Variants in IQSEC3 observed in about 807,000 individuals in gnomAD.
The protein encoded by IQSEC3 is IQ motif and SEC7 domain-containing protein 3.
IQSEC3 carries 50 observed loss-of-function variants against 105.4 expected under a neutral mutation model. The ratio of observed to expected loss-of-function variants is 0.47; its 90% CI spans 0.38 to 0.60. The LOEUF (loss-of-function observed/expected upper bound fraction) is 0.60, where lower values mean the gene tolerates loss of function less well. IQSEC3 is among the 20% of genes least tolerant of loss of function. The pLI is 0.00. For synonymous variants in IQSEC3, 708 were observed against 746.0 expected, an observed-to-expected ratio of 0.95 and a Z score of 0.83; for missense variants, 1,415 against 1,630.0, an observed-to-expected ratio of 0.87 and a Z score of 2.27.
chr12:158,343 T>C (rs80207365), intron 7 of IQSEC3, among the ~76,000 whole-genome samples: 13,298 of 152,266 alleles, frequency 0.087, 1,076 homozygotes, highest in African/African-American at 0.22. Flanking sequence ...TTTGCGTTTC[T>C]TCTGTATCGA....
Position 175,925 on chromosome 12 carries a change from A to AG in IQSEC3, c.*893dup, listed in dbSNP as rs1349094837. 6.6e-6 allele frequency: 1 copy of AG among 152,206 alleles called. No individual in the cohort carries two copies. The highest frequency in any genetic ancestry group is 2.4e-5 in the African/African-American group (1 of 41,418). 9.4% of individuals were successfully genotyped at this position (152,206 alleles called of 1,614,324 possible). On this transcript the variant is annotated 3_prime_UTR_variant, in exon 14 of 14. Coordinates refer to ENST00000538872, the MANE Select transcript of IQSEC3 (RefSeq NM_001170738.2). Reference sequence around the variant, plus strand: ...CCTTCCGCTGTGGAAGCAGAACTGGAGACGGGGCAGGAATGTGCCCAGCAG... The same window carrying AG: ...CCTTCCGCTGTGGAAGCAGAACTGGAGGACGGGGCAGGAATGTGCCCAGCAG...
intron 2 of IQSEC3, among the ~76,000 whole-genome samples, chr12:109,491 T>C (rs1864802236): frequency 6.6e-6 from 1 of 152,106 alleles, no homozygotes; most frequent in African/African-American, 2.4e-5. Context: ...TCTCATCCAC[T>C]CACCCTTCCA....
intron 5 of IQSEC3, among the ~76,000 whole-genome samples, chr12:143,041 C>T (rs545160969): frequency 6.6e-6 from 1 of 152,358 alleles, no homozygotes; most frequent in South Asian, 2.1e-4. Context: ...TTCTAACCTG[C>T]AAGGCCCACA....
In IQSEC3 at chr12:157,589, T is replaced by C. The variant is rs782814335; in HGVS notation, c.2338T>C (p.Phe780Leu). Residue 780 changes from phenylalanine to leucine, a missense_variant, in exon 7 of 14, where the codon TTC becomes CTC. Transcript: ENST00000538872. The stretch of plus-strand genomic sequence containing the variant: ...GCAGTTCCACAACCCCGACACCATC[T>C]TCATCCTCGCCTTCGCCATCATCCT... ...VQQFHNPDTI[F>L]ILAFAIILLN... The C allele has an allele frequency of 1.2e-6, 2 of 1,614,172 alleles. No individual in the cohort carries two copies. The highest frequency in any genetic ancestry group is 1.7e-6 in the Non-Finnish European group (2 of 1,180,012).
In IQSEC3 at chr12:128,537, TC is replaced by T. The variant is rs564851447; in HGVS notation, c.903+2629del. On this transcript the variant is annotated intron_variant, in intron 3 of 13. Coordinates refer to ENST00000538872, the MANE Select transcript of IQSEC3 (RefSeq NM_001170738.2). ...GGGAGGGGTGTTGGACAATCTTAGC[TC>T]CCCAGCCCACCGACCCGCCAAGCCT... 2.1e-3 allele frequency among the ~76,000 whole-genome samples: 324 copies of T among 151,928 alleles called. 2 individuals are homozygous for T. The highest frequency in any genetic ancestry group is 7.2e-3 in the African/African-American group (299 of 41,434).
At chr12:98,271 C>G (rs1864301943) in intron 1 of IQSEC3, among the ~76,000 whole-genome samples, 1 of 152,150 alleles carries the variant, frequency 6.6e-6, no homozygotes, top group Non-Finnish European at 1.5e-5. Flanking sequence ...TGGAAGGGAC[C>G]TAGGAAATCC....
At chr12:149,142 A>G (rs1866403069) in intron 5 of IQSEC3, 1 of 152,250 alleles carries the variant, frequency 6.6e-6, no homozygotes, top group Non-Finnish European at 1.5e-5. Context: ...TATTTGCTGC[A>G]GACCTTGCAG....
chr12:141,573 TC>T, intron 5 of IQSEC3: 1 of 375,540 alleles, frequency 2.7e-6, no homozygotes, highest in South Asian at 9.3e-5. Flanking sequence ...CCTGTCACTC[TC>T]CAGGGCAAGA....
At chr12:103,341 G>A (rs1325823736) in intron 2 of IQSEC3, among the ~76,000 whole-genome samples, 1 of 148,972 alleles carries the variant, frequency 6.7e-6, no homozygotes, top group Non-Finnish European at 1.5e-5. Context: ...TGGGGCTCAG[G>A]AGAAGGAGGT....
At position 135,702 on chromosome 12, in the gene IQSEC3, G is replaced by A. The variant is rs75915173; in HGVS notation, c.904-2565G>A. Among the ~76,000 whole-genome samples, 1,129 of 152,308 alleles carry A rather than the reference G, an allele frequency of 7.4e-3. 20 individuals carry two copies. The highest frequency in any genetic ancestry group is 6.3e-3 in the Non-Finnish European group (430 of 68,030). Reference sequence around the variant, plus strand: ...TGAAGCCCCAGACAGACACTGTGCCGTTAGCCTTGAAGGACCAAGCTATCA... The same window carrying A: ...TGAAGCCCCAGACAGACACTGTGCCATTAGCCTTGAAGGACCAAGCTATCA... On this transcript the variant is annotated intron_variant, in intron 3 of 13. Transcript: ENST00000538872.
chr12:145,661 C>A (rs532447568), intron 5 of IQSEC3, among the ~76,000 whole-genome samples: 74 of 152,316 alleles, frequency 4.9e-4, no homozygotes, highest in African/African-American at 1.7e-3. Context: ...CTGAGAGTCA[C>A]GCGGTGGCAG....
Position 138,960 on chromosome 12 carries a change from T to C in IQSEC3, c.1597T>C (p.Ser533Pro). Reference protein sequence around the residue: ...AAGKAEQGETSGREAPEAPAV... With the variant: ...AAGKAEQGETPGREAPEAPAV... ...GGGCAAGGCCGAGCAGGGCGAGACC[T>C]CTGGGCGGGAGGCCCCGGAAGCCCC... is the stretch of plus-strand genomic sequence containing the variant. Residue 533 changes from serine to proline, a missense_variant, in exon 4 of 14, where the codon TCT (serine) becomes CCT (proline). Transcript: ENST00000538872. This position sits in a 1 kb window ranked among gnomAD's most constrained non-coding sequence, Gnocchi z 7.1. 1 of 1,560,120 alleles carries C rather than the reference T, an allele frequency of 6.4e-7. No individual in the cohort carries two copies. The highest frequency in any genetic ancestry group is 8.7e-7 in the Non-Finnish European group (1 of 1,153,494).
At chr12:164,537 G>A (rs1555097579) in intron 9 of IQSEC3, 1 of 152,180 alleles carries the variant, frequency 6.6e-6, no homozygotes, top group African/African-American at 2.4e-5. Flanking sequence ...TTGCCTTCCT[G>A]GCCTCCTCCT....
At chr12:125,149 G>A (rs1464037556) in intron 2 of IQSEC3, among the ~76,000 whole-genome samples, 7 of 152,334 alleles carry the variant, frequency 4.6e-5, no homozygotes, top group African/African-American at 9.6e-5. Context: ...CCGGGCCACC[G>A]ATACTTACAA....
intron 1 of IQSEC3, among the ~76,000 whole-genome samples, chr12:91,747 C>T (rs1555073481): frequency 6.6e-6 from 1 of 152,132 alleles, no homozygotes; most frequent in African/African-American, 2.4e-5. Flanking sequence ...TGCCACTGCA[C>T]TCCAGGCTGG....
intron 1 of IQSEC3, among the ~76,000 whole-genome samples, chr12:91,519 A>G (rs1439418021): frequency 6.6e-6 from 1 of 152,166 alleles, no homozygotes; most frequent in Non-Finnish European, 1.5e-5. Flanking sequence ...TCATGCCTGT[A>G]ATCCCAGCAC....
intron 1 of IQSEC3, among the ~76,000 whole-genome samples, chr12:98,592 T>C (rs1483372253): frequency 6.6e-6 from 1 of 152,194 alleles, no homozygotes; most frequent in Non-Finnish European, 1.5e-5. Flanking sequence ...GCCTTCTGCG[T>C]TGGCTTTTTC....
At chr12:139,639 T>A in intron 4 of IQSEC3, 2 of 362,168 alleles carry the variant, frequency 5.5e-6, no homozygotes, top group Non-Finnish European at 9.9e-6. Context: ...GAAGCTAGGG[T>A]TTGAAAAGTA....
rs1183883917 is a variant in IQSEC3, at chr12:169,253, T to C, written c.3064+148T>C. 9.3e-6 allele frequency: 6 copies of C among 644,292 alleles called. No homozygotes were observed. The East Asian group carries it at 1.6e-4, about 18-fold the overall frequency. 39.9% of individuals were successfully genotyped at this position (644,292 alleles called of 1,614,324 possible). A position where few individuals can be genotyped will look rare whatever the true frequency, so the allele number is the denominator to read the frequency against. On this transcript the variant is annotated intron_variant, in intron 12 of 13. Transcript: ENST00000538872. Reference sequence around the variant, plus strand: ...GGAGCGCCAGGCTTGCCTTCTTTAATCTCATGAGCTTTAGTGGTGGGAGTG... The same window carrying C: ...GGAGCGCCAGGCTTGCCTTCTTTAACCTCATGAGCTTTAGTGGTGGGAGTG...
Sources: gnomAD v4.1 joint callset for allele counts (sites outside exome capture counted in the v4.1 genomes callset) on GRCh38, gnomAD v4.1.1 for gene constraint, Gnocchi (gnomAD v3.1) non-coding constraint, MANE v1.5 for transcripts, NCBI Gene and HGNC (gene_info 2026-07-23, HGNC 2026-07-21) for gene names.